The following GALNT9 variants were observed in gnomAD, a reference collection of about 807,000 sequenced individuals.
The protein encoded by GALNT9 is polypeptide N-acetylgalactosaminyltransferase 9, also known as GalNAc transferase 9.
A neutral mutation model predicts 63.1 loss-of-function variants in GALNT9; 47 were observed. The ratio of observed to expected loss-of-function variants is 0.75; its 90% CI spans 0.59 to 0.95. GALNT9 has a LOEUF of 0.95. GALNT9 is among the 40% of genes least tolerant of loss of function. GALNT9 has a pLI of 0.00. For missense variants in GALNT9, 829 were observed against 874.8 expected (o/e 0.95, Z 0.66); for synonymous variants, 396 against 365.7 (o/e 1.08, Z -0.94).
rs952871435 is a variant in GALNT9, at chr12:132,301,963, T to C, written c.239-15533A>G. 3.9e-5 allele frequency among the ~76,000 whole-genome samples: 6 copies of C among 152,342 alleles called. No homozygotes were observed. The East Asian group carries it at 9.6e-4, about 24-fold the overall frequency. ...CACTAGGTAACATCCATCAGACGCTTGTCCACAGAAACACCTGCCTGACAA... is the reference window on the plus strand; with the variant it reads ...CACTAGGTAACATCCATCAGACGCTCGTCCACAGAAACACCTGCCTGACAA... On this transcript the variant is annotated intron_variant, in intron 1 of 10. Coordinates refer to ENST00000328957, the MANE Select transcript of GALNT9 (RefSeq NM_001122636.2).
At position 132,268,030 on chromosome 12, in the gene GALNT9, AAC is replaced by A. The variant is rs533929957; in HGVS notation, c.420-5407_420-5406del. Among the ~76,000 whole-genome samples, 960 of 146,964 alleles carry A rather than the reference AAC, an allele frequency of 6.5e-3. 7 individuals are homozygous for A. The highest frequency in any genetic ancestry group is 0.022 in the African/African-American group (863 of 39,058). On this transcript the variant is annotated intron_variant, in intron 2 of 10. Coordinates refer to ENST00000328957, the MANE Select transcript of GALNT9 (RefSeq NM_001122636.2). ...AGGCAGATACACACGAACACACATG[AAC>A]ACACATGCACACAAACCCACATGTG...
chr12:132,268,276 C>T (rs1417798227), intron 2 of GALNT9, among the ~76,000 whole-genome samples: 3 of 152,146 alleles, frequency 2.0e-5, no homozygotes, highest in Non-Finnish European at 4.4e-5. Context: ...CCTACACACG[C>T]ACGCACACAC....
intron 6 of GALNT9, among the ~76,000 whole-genome samples, chr12:132,239,641 C>T (rs2136897281): frequency 1.2e-5 from 1 of 82,770 alleles, no homozygotes; most frequent in East Asian, 4.1e-4. Context: ...GAGACAGAGT[C>T]AGAGACAGAG....
At position 132,289,161 on chromosome 12, in the gene GALNT9, G is replaced by A. The variant is rs564504228; in HGVS notation, c.239-2731C>T. Among the ~76,000 whole-genome samples the A allele has an allele frequency of 1.6e-4, 24 of 152,306 alleles. No homozygotes were observed. The South Asian group carries it at 3.1e-3, about 20-fold the overall frequency. The stretch of plus-strand genomic sequence containing the variant: ...CCAGGAAGTTTGCTCTGTTAATGAT[G>A]TGACTGTATTCCCATCTGCCATCCC... On this transcript the variant is annotated intron_variant, in intron 1 of 10. Transcript: ENST00000328957.
At chr12:132,281,404 C>T (rs1231032503) in intron 2 of GALNT9, among the ~76,000 whole-genome samples, 7 of 152,146 alleles carry the variant, frequency 4.6e-5, no homozygotes, top group African/African-American at 1.7e-4. Context: ...CAGGGGTGGG[C>T]TGGGTGTGGG....
intron 5 of GALNT9, among the ~76,000 whole-genome samples, chr12:132,254,801 G>A (rs1879051698): frequency 6.6e-6 from 1 of 152,196 alleles, no homozygotes; most frequent in Non-Finnish European, 1.5e-5. Flanking sequence ...CAGCTCTAGA[G>A]AATTATTTCC....
At chr12:132,261,148 G>T (rs374733350) in intron 3 of GALNT9, 26 bp from the exon 4 acceptor site, 1 of 1,542,714 alleles carries the variant, frequency 6.5e-7, no homozygotes, top group Admixed American at 2.1e-5. Context: ...ACTTTAGCAC[G>T]CTGGCAGGTG....
intron 1 of GALNT9, among the ~76,000 whole-genome samples, chr12:132,291,519 A>ATCCACAGCACCCACG (rs1566015253): frequency 2.3e-5 from 3 of 132,066 alleles, no homozygotes; most frequent in Non-Finnish European, 3.2e-5. Context: ...CACCACCCAC[A>ATCCACAGCACCCACG]TCCACAGCAC....
intron 6 of GALNT9, among the ~76,000 whole-genome samples, chr12:132,230,417 G>T (rs1385776919): frequency 6.6e-6 from 1 of 152,244 alleles, no homozygotes; most frequent in Non-Finnish European, 1.5e-5. Flanking sequence ...CTGCAGGGGG[G>T]TTTGGTGGGT....
In GALNT9 at chr12:132,313,140, C is replaced by T. The variant is rs539717793; in HGVS notation, c.238+15826G>A. Among the ~76,000 whole-genome samples the T allele has an allele frequency of 7.6e-5, 11 of 144,822 alleles. No homozygotes were observed. The East Asian group carries it at 2.4e-3, about 32-fold the overall frequency. On this transcript the variant is annotated intron_variant, in intron 1 of 10. Transcript: ENST00000328957. ...ATCCACCCACCCATTCATCTCTCCA[C>T]CTACCTACCCACTCACCCACCCATC...
rs891283709 is a variant in GALNT9, at chr12:132,265,589, C to T, written c.420-2964G>A. ...TGAAGCCCCCGGGCCCCTTTTGCAG[C>T]AGGCTTCGCAAGGTAAGCAGCCCCA... On this transcript the variant is annotated intron_variant, in intron 2 of 10. Transcript: ENST00000328957. This position sits in a 1 kb window ranked among gnomAD's most constrained non-coding sequence, Gnocchi z 5.3. Among the ~76,000 whole-genome samples the T allele has an allele frequency of 6.6e-6, 1 of 152,206 alleles. No homozygotes were observed. The highest frequency in any genetic ancestry group is 1.5e-5 in the Non-Finnish European group (1 of 68,034).
intron 2 of GALNT9, among the ~76,000 whole-genome samples, chr12:132,264,189 G>A (rs1265987666): frequency 2.6e-5 from 4 of 152,200 alleles, no homozygotes; most frequent in East Asian, 1.9e-4. Context: ...TAAACAAGCC[G>A]CCTGCATGGA....
chr12:132,291,508 A>G (rs1189643171), intron 1 of GALNT9, among the ~76,000 whole-genome samples: 9 of 147,588 alleles, frequency 6.1e-5, no homozygotes, highest in Non-Finnish European at 3.0e-5. Context: ...GCCCACGTCC[A>G]CACCACCCAC....
At position 132,286,993 on chromosome 12, in the gene GALNT9, T is replaced by A. The variant is rs1265101746; in HGVS notation, c.239-563A>T. Reference sequence around the variant, plus strand: ...TGCTGGGATTACAGGCGTGAGTCACTGCACTGGCCAATACTTGTTCTTACG... The same window carrying A: ...TGCTGGGATTACAGGCGTGAGTCACAGCACTGGCCAATACTTGTTCTTACG... On this transcript the variant is annotated intron_variant, in intron 1 of 10. Transcript: ENST00000328957. The surrounding 1 kb of genome is among the most constrained non-coding windows in gnomAD (Gnocchi z 7.4). Among the ~76,000 whole-genome samples, 1 of 148,898 alleles carries A rather than the reference T, an allele frequency of 6.7e-6. No homozygotes were observed. The highest frequency in any genetic ancestry group is 2.2e-4 in the South Asian group (1 of 4,650).
chr12:132,294,283 C>G (rs1784535442), intron 1 of GALNT9, among the ~76,000 whole-genome samples: 1 of 152,238 alleles, frequency 6.6e-6, no homozygotes, highest in African/African-American at 2.4e-5. Flanking sequence ...TCGCCTCCCC[C>G]ACAGCCCCCA....
chr12:132,199,416 T>C (rs6598206), intron 8 of GALNT9, 147 bp from the exon 9 acceptor site: 490,257 of 606,090 alleles, frequency 0.81, 200,509 homozygotes, highest in East Asian at 1. Flanking sequence ...CCGGGTGGGC[T>C]GCCTGGGAAG....
At chr12:132,259,114 C>A (rs529126375) in intron 4 of GALNT9, among the ~76,000 whole-genome samples, 1 of 152,256 alleles carries the variant, frequency 6.6e-6, no homozygotes, top group Non-Finnish European at 1.5e-5. Context: ...TAGCGAAGTG[C>A]TTCAGAGATG....
At chr12:132,306,072 C>A (rs549629329) in intron 1 of GALNT9, among the ~76,000 whole-genome samples, 11 of 152,348 alleles carry the variant, frequency 7.2e-5, no homozygotes, top group African/African-American at 2.6e-4. Flanking sequence ...GCAGCGGCCA[C>A]CTCACCTGGG....
At position 132,197,037 on chromosome 12, in the gene GALNT9, C is replaced by CG; in HGVS notation, c.*69dup. 6.3e-7 allele frequency: 1 copy of CG among 1,587,248 alleles called. No individual in the cohort carries two copies. The highest frequency in any genetic ancestry group is 1.1e-5 in the South Asian group (1 of 87,252). On this transcript the variant is annotated 3_prime_UTR_variant, in exon 11 of 11. Transcript: ENST00000328957. ...CCTGCTGTGTCTGCCGGGCACACCC[C>CG]GGTCACTCAGCCACACTGGCTCGGC...
Sources: gnomAD v4.1 joint callset for allele counts (sites outside exome capture counted in the v4.1 genomes callset) on GRCh38, gnomAD v4.1.1 for gene constraint, Gnocchi (gnomAD v3.1) non-coding constraint, MANE v1.5 for transcripts, NCBI Gene and HGNC (gene_info 2026-07-23, HGNC 2026-07-21) for gene names.